Variants in THADA observed in about 807,000 individuals in gnomAD.
The protein encoded by THADA is THADA armadillo repeat containing, also known as tRNA (32-2'-O)-methyltransferase regulator THADA.
A neutral mutation model predicts 219.8 loss-of-function variants in THADA; 213 were observed. The observed-to-expected ratio is 0.97, with a 90% CI of 0.87 to 1.09. THADA has a LOEUF of 1.09. Ranked by LOEUF, THADA falls within the 50% of genes least tolerant of loss-of-function variation. The pLI is 0.00. For missense variants in THADA, 2,956 were observed against 2,311.3 expected (o/e 1.28, Z -5.72); for synonymous variants, 1,018 against 828.9 (o/e 1.23, Z -3.92).
intron 26 of THADA, among the ~76,000 whole-genome samples, chr2:43,474,305 C>T (rs554445246): frequency 1.2e-4 from 19 of 152,180 alleles, no homozygotes; most frequent in African/African-American, 1.9e-4. Context: ...AGCTCTGTTC[C>T]AGGTACAATT....
Position 43,409,465 on chromosome 2 carries a change from T to C in THADA, c.4059-11326A>G, listed in dbSNP as rs536039201. ...CAAATGAAAATTGCAATTAGGTAAG[T>C]TGAGTCATATTTCAGCATGCCTACA... On this transcript the variant is annotated intron_variant, in intron 28 of 37. Transcript: ENST00000405975. Among the ~76,000 whole-genome samples the C allele has an allele frequency of 3.3e-5, 5 of 152,200 alleles. No individual in the cohort carries two copies. The East Asian group carries it at 7.7e-4, about 23-fold the overall frequency.
At chr2:43,296,800 G>C (rs555297454) in intron 31 of THADA, among the ~76,000 whole-genome samples, 1 of 152,312 alleles carries the variant, frequency 6.6e-6, no homozygotes, top group South Asian at 2.1e-4. Flanking sequence ...GGCACAGTCA[G>C]AAATATGGCT....
intron 28 of THADA, among the ~76,000 whole-genome samples, chr2:43,426,355 C>A (rs1360094393): frequency 6.6e-6 from 1 of 152,158 alleles, no homozygotes; most frequent in Non-Finnish European, 1.5e-5. Context: ...GTTCTTAAGA[C>A]AGAGCACAGG....
At chr2:43,560,512 G>C (rs1262108641) in intron 15 of THADA, 127 bp from the exon 16 acceptor site, 1 of 528,374 alleles carries the variant, frequency 1.9e-6, no homozygotes, top group Non-Finnish European at 3.1e-6. Flanking sequence ...ACCCATGATA[G>C]CTAAAACAGT....
intron 26 of THADA, among the ~76,000 whole-genome samples, chr2:43,473,127 G>GCTT (rs1348521882): frequency 6.6e-6 from 1 of 152,062 alleles, no homozygotes; most frequent in African/African-American, 2.4e-5. Context: ...ATTAATCTTA[G>GCTT]CTTACTGTAA....
chr2:43,397,747 T>C (rs948364496), intron 29 of THADA, among the ~76,000 whole-genome samples: 5 of 152,038 alleles, frequency 3.3e-5, no homozygotes, highest in African/African-American at 1.2e-4. Flanking sequence ...ACAGGATGTA[T>C]TGCAAAAGAT....
At chr2:43,543,813 T>G (rs891594955) in intron 20 of THADA, among the ~76,000 whole-genome samples, 6 of 151,928 alleles carry the variant, frequency 3.9e-5, no homozygotes, top group South Asian at 4.2e-4. Context: ...TTCTCCCATT[T>G]TGTAGGTTGC....
chr2:43,344,262 C>A (rs1269177327), intron 29 of THADA, 25 bp from the exon 30 acceptor site: 3 of 1,492,014 alleles, frequency 2.0e-6, no homozygotes, highest in South Asian at 2.4e-5. Flanking sequence ...AAAAAAAAAT[C>A]CTGCTGTGAA....
chr2:43,237,071 CAA>C (rs35242458), intron 36 of THADA, among the ~76,000 whole-genome samples: 109 of 78,168 alleles, frequency 1.4e-3, no homozygotes, highest in African/African-American at 3.4e-3. Flanking sequence ...GACTCTGTCT[CAA>C]AAAAAAAAAA....
intron 26 of THADA, among the ~76,000 whole-genome samples, chr2:43,460,049 T>C (rs534020684): frequency 6.6e-6 from 1 of 151,978 alleles, no homozygotes; most frequent in East Asian, 1.9e-4. Context: ...CTTCATGCTG[T>C]ATCTAGAAGG....
intron 28 of THADA, among the ~76,000 whole-genome samples, chr2:43,407,375 T>A (rs900781494): frequency 6.6e-6 from 1 of 151,964 alleles, no homozygotes; most frequent in Non-Finnish European, 1.5e-5. Context: ...ATTAAAAAAC[T>A]TTTTTTTAGC....
chr2:43,346,059 C>T (rs911905995), intron 29 of THADA, among the ~76,000 whole-genome samples: 5 of 151,764 alleles, frequency 3.3e-5, no homozygotes, highest in East Asian at 3.9e-4. Context: ...TCTATTTACA[C>T]GAGACAAATG....
At chr2:43,365,647 CA>C (rs1670057665) in intron 29 of THADA, among the ~76,000 whole-genome samples, 1 of 151,412 alleles carries the variant, frequency 6.6e-6, no homozygotes, top group Non-Finnish European at 1.5e-5. Context: ...GTTGTCCAAG[CA>C]AAAGATGAGG....
chr2:43,247,665 G>A (rs946627823), intron 36 of THADA, among the ~76,000 whole-genome samples: 13 of 147,152 alleles, frequency 8.8e-5, no homozygotes, highest in Non-Finnish European at 1.9e-4. Flanking sequence ...GGAGGCGGAG[G>A]TTGCAGTGAG....
intron 26 of THADA, among the ~76,000 whole-genome samples, chr2:43,444,560 AG>A (rs1282701717): frequency 6.6e-6 from 1 of 152,234 alleles, no homozygotes; most frequent in Non-Finnish European, 1.5e-5. Flanking sequence ...CTAACAGCCT[AG>A]AAAAAATTTA....
intron 30 of THADA, among the ~76,000 whole-genome samples, chr2:43,336,764 G>A (rs1432359595): frequency 6.6e-6 from 1 of 152,162 alleles, no homozygotes; most frequent in African/African-American, 2.4e-5. Flanking sequence ...ACGCAGCCAT[G>A]AACATTAAGA....
At chr2:43,535,417 G>A (rs1400397281) in intron 21 of THADA, among the ~76,000 whole-genome samples, 1 of 151,158 alleles carries the variant, frequency 6.6e-6, no homozygotes, top group African/African-American at 2.4e-5. Context: ...GGTGGCTCAC[G>A]CCTGTAATCC....
At chr2:43,267,612 G>A (rs893335096) in intron 36 of THADA, among the ~76,000 whole-genome samples, 16 of 152,184 alleles carry the variant, frequency 1.1e-4, no homozygotes, top group Admixed American at 6.5e-5. Context: ...TGGTGCATGT[G>A]ACTTCCAGGC....
rs60981145 is a variant in THADA at position 43,519,697 on chromosome 2, C to T, written c.3374+8182G>A. On this transcript the variant is annotated intron_variant, in intron 22 of 37. Transcript: ENST00000405975. ...GAGCTCAGTCAAACACAGCATCTGG[C>T]ACACAGTAGATGTTTAAGAAATCTT... is the stretch of plus-strand genomic sequence containing the variant. Among the ~76,000 whole-genome samples, 1,136 of 152,318 alleles carry T rather than the reference C, an allele frequency of 7.5e-3. 9 individuals are homozygous for T. The highest frequency in any genetic ancestry group is 0.024 in the African/African-American group (1,004 of 41,562).
Sources: gnomAD v4.1 joint callset for allele counts (sites outside exome capture counted in the v4.1 genomes callset) on GRCh38, gnomAD v4.1.1 for gene constraint, MANE v1.5 for transcripts, NCBI Gene and HGNC (gene_info 2026-07-23, HGNC 2026-07-21) for gene names.